The following NEB variants were observed in gnomAD, a reference collection of about 807,000 sequenced individuals.
The protein encoded by NEB is nebulin.
In NEB, 512 loss-of-function variants were observed where a neutral mutation model predicts 952.2. That is an observed-to-expected ratio of 0.54 (90% CI 0.50 to 0.58). The LOEUF is 0.58. Among genes scored for constraint, NEB ranks in the 20% least tolerant of loss-of-function variants. NEB has a pLI of 0.00. For missense variants in NEB, 8,428 were observed against 9,231.1 expected (o/e 0.91, Z 3.56); for synonymous variants, 2,900 against 3,149.8 (o/e 0.92, Z 2.66).
At position 151,562,655 on chromosome 2, in the gene NEB, G is replaced by A. The variant is rs2096144047; in HGVS notation, c.18847C>T (p.Pro6283Ser). ...GCGTTTCGGACGCGTATAACATTGG[G>A]TTCTTCCAGAAGAGACGTCCACTGG... ...FHQWTSLLEEPNVIRVRNAQE... is the reference protein window; with the variant it reads ...FHQWTSLLEESNVIRVRNAQE... Residue 6283 changes from proline to serine, a missense_variant, in exon 120 of 182, where the codon CCC (proline) becomes TCC (serine). This residue lies in a region of NEB where 3,374 missense variants were observed against 3,651.5 expected (regional missense o/e 0.92). Transcript: ENST00000397345. The A allele has an allele frequency of 6.3e-7, 1 of 1,595,392 alleles. No individual in the cohort carries two copies. Among genetic ancestry groups the A allele is most frequent in the African/African-American group, 1.3e-5 (1 of 74,644 alleles).
At chr2:151,532,004 C>G in intron 143 of NEB, 108 bp from the exon 144 acceptor site, 1 of 655,024 alleles carries the variant, frequency 1.5e-6, no homozygotes, top group Non-Finnish European at 2.6e-6. Flanking sequence ...CTAGCTTTCT[C>G]TTTAATTCCT....
chr2:151,570,901 A>G (rs2096606149), intron 107 of NEB, among the ~76,000 whole-genome samples: 1 of 152,216 alleles, frequency 6.6e-6, no homozygotes, highest in African/African-American at 2.4e-5. Context: ...GGTGCATGAG[A>G]TATTTTAATA....
intron 133 of NEB, 120 bp from the exon 134 acceptor site, chr2:151,546,563 T>TTC (rs1275200829): frequency 5.0e-6 from 3 of 602,388 alleles, no homozygotes; most frequent in African/African-American, 3.8e-5. Context: ...TCTACTTTTT[T>TTC]TTTTTTTTTT....
At chr2:151,526,127 G>T in intron 149 of NEB, 31 bp downstream of exon 149, 1 of 1,610,584 alleles carries the variant, frequency 6.2e-7, no homozygotes, top group Non-Finnish European at 8.5e-7. Flanking sequence ...TCCCAAGAGG[G>T]AAGCAGAACT....
intron 54 of NEB, among the ~76,000 whole-genome samples, chr2:151,649,307 T>C (rs758742254): frequency 6.6e-6 from 1 of 152,200 alleles, no homozygotes; most frequent in Non-Finnish European, 1.5e-5. Context: ...AAAGAGGAAC[T>C]ACAGTTTATC....
chr2:151,506,631 AAG>A (rs1272353129), intron 163 of NEB, among the ~76,000 whole-genome samples: 1 of 152,254 alleles, frequency 6.6e-6, no homozygotes, highest in East Asian at 1.9e-4. Flanking sequence ...CAATGTCAAA[AAG>A]AAATCCATCT....
At chr2:151,523,999 A>G (rs935395182) in intron 153 of NEB, among the ~76,000 whole-genome samples, 9 of 152,214 alleles carry the variant, frequency 5.9e-5, no homozygotes, top group African/African-American at 2.2e-4. Context: ...CCCGAGGATG[A>G]AACTCTTAAG....
At chr2:151,714,223 T>C (rs1020777880) in intron 10 of NEB, among the ~76,000 whole-genome samples, 6 of 152,160 alleles carry the variant, frequency 3.9e-5, no homozygotes, top group African/African-American at 1.4e-4. Context: ...CTCTGACCCC[T>C]TCCCTGAGTT....
At chr2:151,595,766 TA>T (rs547326621) in intron 92 of NEB, among the ~76,000 whole-genome samples, 1,265 of 8,536 alleles carry the variant, frequency 0.15, 2 homozygotes, top group Non-Finnish European at 0.17. Context: ...ATTTTAGGGA[TA>T]AAAATGACAT....
At chr2:151,665,608 T>C in intron 41 of NEB, 69 bp from the exon 42 acceptor site, 4 of 1,322,908 alleles carry the variant, frequency 3.0e-6, no homozygotes, top group Non-Finnish European at 4.1e-6. Flanking sequence ...CTATGTGATT[T>C]ACTTACAATC....
rs1461395173 is a variant in NEB at position 151,672,568 on chromosome 2, T to A, written c.4100A>T (p.Asp1367Val). ...CTCATAGTTCTTCTTGTATTCACGATCAGACTGCAGCTTTGCCACATTCAT... is the reference window on the plus strand; with the variant it reads ...CTCATAGTTCTTCTTGTATTCACGAACAGACTGCAGCTTTGCCACATTCAT... Reference protein sequence around the residue: ...HYMNVAKLQSDREYKKNYENT... With the variant: ...HYMNVAKLQSVREYKKNYENT... The change falls in exon 37 of 182, where the codon GAT becomes GTT. Residue 1367 changes from aspartate (D) to valine (V), a missense_variant. By Grantham distance (152) the Asp-to-Val change is radical. Coordinates refer to ENST00000397345, the MANE Select transcript of NEB (RefSeq NM_001164508.2). The A allele has an allele frequency of 6.2e-7, 1 of 1,614,018 alleles. No individual in the cohort carries two copies. Among genetic ancestry groups the A allele is most frequent in the South Asian group, 1.1e-5 (1 of 91,088 alleles).
At chr2:151,573,684 C>G (rs1021167383) in intron 107 of NEB, among the ~76,000 whole-genome samples, 1 of 152,196 alleles carries the variant, frequency 6.6e-6, no homozygotes, top group Non-Finnish European at 1.5e-5. Flanking sequence ...CTTTTGAAAG[C>G]ATGCAAAGTT....
At chr2:151,706,840 G>C (rs1375589781) in intron 13 of NEB, 41 bp downstream of exon 13, 1 of 1,399,186 alleles carries the variant, frequency 7.1e-7, no homozygotes, top group Non-Finnish European at 9.9e-7. Context: ...CATCTCTTTT[G>C]CAGCTAAGGT....
rs377109660 is a variant in NEB, at chr2:151,673,784, A to AGTG, written c.3987+690_3987+692dup. Among the ~76,000 whole-genome samples, 183 of 129,462 alleles carry AGTG rather than the reference A, an allele frequency of 1.4e-3. 2 individuals are homozygous for AGTG. Among genetic ancestry groups the AGTG allele is most frequent in the African/African-American group, 5.3e-3 (175 of 32,970 alleles). The allele number at this position is 129,462 out of a possible 152,430, so 84.9% of individuals were successfully genotyped here. A position where few individuals can be genotyped will look rare whatever the true frequency, so the allele number is the denominator to read the frequency against. On this transcript the variant is annotated intron_variant, in intron 36 of 181. Transcript: ENST00000397345. ...AGTCTCCCTCTGTCGCCCAGGCTGG[A>AGTG]GTGCAGTGGCGCAATCTCGGCTCAC... is the stretch of plus-strand genomic sequence containing the variant.
intron 48 of NEB, 45 bp from the exon 49 acceptor site, chr2:151,656,509 T>A: frequency 7.8e-7 from 1 of 1,287,732 alleles, no homozygotes. Flanking sequence ...TTCCTTTGAC[T>A]AAAAATCGAT....
At chr2:151,498,019 T>G in intron 170 of NEB, 1 of 1,439,002 alleles carries the variant, frequency 6.9e-7, no homozygotes, top group Non-Finnish European at 9.1e-7. Flanking sequence ...TAGAACTCGG[T>G]GTTGTTATCC....
At chr2:151,669,181 A>T (rs1397430458) in intron 38 of NEB, 50 bp from the exon 39 acceptor site, 1 of 1,293,576 alleles carries the variant, frequency 7.7e-7, no homozygotes, top group Non-Finnish European at 1.1e-6. Context: ...ACATAATATA[A>T]ATTTCATCAA....
chr2:151,699,132 G>A (rs2099625093), intron 13 of NEB, among the ~76,000 whole-genome samples: 2 of 136,488 alleles, frequency 1.5e-5, no homozygotes, highest in South Asian at 2.6e-4. Context: ...TTGTTCTTGC[G>A]ATAGTTTACT....
At position 151,516,505 on chromosome 2, in the gene NEB, G is replaced by C. The variant is rs554915141; in HGVS notation, c.22859C>G (p.Thr7620Arg). The C allele has an allele frequency of 6.2e-7, 1 of 1,613,588 alleles. No homozygotes were observed. The highest frequency in any genetic ancestry group is 1.1e-5 in the South Asian group (1 of 91,010). Reference sequence around the variant, plus strand: ...CTCTTTGGCAGTGATGTACGTTGGTGTTTCAAAGTCCAGCATGGGTTTTCC... The same window carrying C: ...CTCTTTGGCAGTGATGTACGTTGGTCTTTCAAAGTCCAGCATGGGTTTTCC... ...ERGKPMLDFE[T>R]PTYITAKESQ... The change falls in exon 157 of 182, where the codon ACA becomes AGA. Residue 7620 changes from threonine to arginine, a missense_variant. Around this residue, in one of 11 missense-constraint regions of NEB, gnomAD observed 3,374 missense variants for 3,651.5 expected, o/e 0.92. Transcript: ENST00000397345.
Sources: allele counts gnomAD v4.1 joint callset (sites outside exome capture counted in the v4.1 genomes callset), GRCh38; gene constraint gnomAD v4.1.1; regional missense constraint gnomAD v4.1.1; transcripts MANE v1.5; gene names NCBI Gene and HGNC (gene_info 2026-07-23, HGNC 2026-07-21).